Variants in CDH8 observed in about 807,000 individuals in gnomAD.
CDH8 encodes cadherin 8, also known as cadherin-8.
A neutral mutation model predicts 68.1 loss-of-function variants in CDH8; 17 were observed. That is an observed-to-expected ratio of 0.25 (90% CI 0.17 to 0.37). CDH8 has a LOEUF of 0.37. Among genes scored for constraint, CDH8 ranks in the 10% least tolerant of loss-of-function variants. CDH8 has a pLI of 1.00. For missense variants in CDH8, 763 were observed against 999.3 expected (o/e 0.76, Z 3.19); for synonymous variants, 372 against 365.1 (o/e 1.02, Z -0.21).
intron 2 of CDH8, among the ~76,000 whole-genome samples, 177 bp downstream of exon 2, chr16:62,020,975 T>G (rs1399809332): frequency 1.3e-5 from 2 of 152,186 alleles, no homozygotes; most frequent in South Asian, 2.1e-4. Flanking sequence ...TACAAGACCA[T>G]TTAAAACTGT....
At chr16:61,903,950 T>C (rs538736642) in intron 2 of CDH8, among the ~76,000 whole-genome samples, 1 of 120,742 alleles carries the variant, frequency 8.3e-6, no homozygotes, top group East Asian at 2.0e-4. Flanking sequence ...TATACAGCAC[T>C]TTTTAAAAAA....
chr16:61,981,745 G>A (rs865835969), intron 2 of CDH8, among the ~76,000 whole-genome samples: 13 of 152,124 alleles, frequency 8.5e-5, no homozygotes, highest in South Asian at 2.1e-4. Flanking sequence ...GCAGATGTGG[G>A]AGCATGGAGA....
At chr16:62,015,456 T>C (rs1379280413) in intron 2 of CDH8, among the ~76,000 whole-genome samples, 1 of 152,102 alleles carries the variant, frequency 6.6e-6, no homozygotes, top group Admixed American at 6.6e-5. Flanking sequence ...CTTAAATATA[T>C]AATATCTTAA....
chr16:61,776,415 T>TAA (rs11409828), intron 8 of CDH8, among the ~76,000 whole-genome samples: 3 of 151,578 alleles, frequency 2.0e-5, no homozygotes, highest in East Asian at 3.9e-4. Context: ...TCTATTGTTA[T>TAA]AAAAAAAAAT....
chr16:61,722,027 C>G (rs1187478617), intron 9 of CDH8, among the ~76,000 whole-genome samples: 2 of 150,900 alleles, frequency 1.3e-5, no homozygotes, highest in East Asian at 3.9e-4. Context: ...CTACCATTAT[C>G]TTTTGCAGTT....
intron 4 of CDH8, among the ~76,000 whole-genome samples, chr16:61,850,162 C>T (rs147695636): frequency 7.9e-5 from 12 of 151,970 alleles, no homozygotes; most frequent in African/African-American, 2.2e-4. Context: ...AGCATCTGCC[C>T]GGCTTTTGGT....
At chr16:61,693,265 C>T (rs749558024) in intron 10 of CDH8, 4 of 152,042 alleles carry the variant, frequency 2.6e-5, no homozygotes. Flanking sequence ...GGGAGAAGAG[C>T]AAACTATGAC....
At chr16:61,894,028 T>C (rs1273177914) in intron 3 of CDH8, among the ~76,000 whole-genome samples, 1 of 152,108 alleles carries the variant, frequency 6.6e-6, no homozygotes, top group African/African-American at 2.4e-5. Flanking sequence ...GATACTTACA[T>C]AGTCTCTAAG....
In CDH8 at chr16:61,820,945, C is replaced by T; in HGVS notation, c.1004G>A (p.Gly335Asp). 6.2e-7 allele frequency: 1 copy of T among 1,611,408 alleles called. No individual in the cohort carries two copies. Among genetic ancestry groups the T allele is most frequent in the Non-Finnish European group, 8.5e-7 (1 of 1,178,366 alleles). The change falls in exon 6 of 12, where the codon GGC becomes GAC. Residue 335 changes from glycine (G) to aspartate (D), a missense_variant. Physicochemically the swap from Gly to Asp is moderately conservative, Grantham distance 94. Transcript: ENST00000577390. ...EITSDAQAQD[G>D]IIRLRKPLDF... Reference sequence around the variant, plus strand: ...GCTTACTTTTCTTAGCCTTATAATGCCATCCTGGGCCTGGGCATCAGAAGT... The same window carrying T: ...GCTTACTTTTCTTAGCCTTATAATGTCATCCTGGGCCTGGGCATCAGAAGT...
chr16:62,015,003 T>A (rs1486520220), intron 2 of CDH8, among the ~76,000 whole-genome samples: 1 of 151,560 alleles, frequency 6.6e-6, no homozygotes, highest in Admixed American at 6.6e-5. Context: ...ATGTTACATA[T>A]ACCCCCCCAC....
At chr16:62,014,530 A>G (rs543405747) in intron 2 of CDH8, among the ~76,000 whole-genome samples, 8 of 152,186 alleles carry the variant, frequency 5.3e-5, no homozygotes, top group Non-Finnish European at 1.2e-4. Flanking sequence ...AACGCTCTTA[A>G]CATGCAAACA....
intron 10 of CDH8, among the ~76,000 whole-genome samples, chr16:61,664,560 T>C (rs1011765209): frequency 6.6e-6 from 1 of 152,026 alleles, no homozygotes; most frequent in African/African-American, 2.4e-5. Context: ...TTTCAGGCTA[T>C]TGGAAAGCAT....
intron 3 of CDH8, among the ~76,000 whole-genome samples, chr16:61,867,892 T>G (rs1172646362): frequency 6.6e-6 from 1 of 152,154 alleles, no homozygotes; most frequent in Non-Finnish European, 1.5e-5. Flanking sequence ...GATTTTCCCC[T>G]TTTAGACTAA....
At chr16:61,678,105 C>A (rs1275582715) in intron 10 of CDH8, among the ~76,000 whole-genome samples, 1 of 152,002 alleles carries the variant, frequency 6.6e-6, no homozygotes, top group African/African-American at 2.4e-5. Flanking sequence ...TTAAAATCTA[C>A]CTATAACCTG....
intron 1 of CDH8, among the ~76,000 whole-genome samples, chr16:62,024,325 C>T (rs143366787): frequency 3.2e-4 from 49 of 152,148 alleles, no homozygotes; most frequent in Non-Finnish European, 6.0e-4. Flanking sequence ...GTTTTGAGGA[C>T]TAAAGGAGAT....
In CDH8 at chr16:61,650,706, T is replaced by TGTGTGTGAGAGAGAGAGA. The variant is rs745949180; in HGVS notation, c.*2901_*2902insTCTCTCTCTCTCACACAC. ...GTGTGTGTGTGTGTGTGTGTGTGTG[T>TGTGTGTGAGAGAGAGAGA]GAGAGAGAGAGAGAGAGAGAGAGAG... is the stretch of plus-strand genomic sequence containing the variant. On this transcript the variant is annotated 3_prime_UTR_variant, in exon 12 of 12. Transcript: ENST00000577390. The TGTGTGTGAGAGAGAGAGA allele has an allele frequency of 6.0e-4, 70 of 116,674 alleles. No homozygotes were observed. Among genetic ancestry groups the TGTGTGTGAGAGAGAGAGA allele is most frequent in the African/African-American group, 2.1e-3 (63 of 29,860 alleles). 7.2% of individuals were successfully genotyped at this position (116,674 alleles called of 1,614,324 possible).
intron 10 of CDH8, among the ~76,000 whole-genome samples, chr16:61,707,891 G>T (rs1056218658): frequency 6.6e-6 from 1 of 152,136 alleles, no homozygotes; most frequent in Non-Finnish European, 1.5e-5. Flanking sequence ...TTTTATGCTT[G>T]TAAGTAAAAG....
intron 10 of CDH8, among the ~76,000 whole-genome samples, chr16:61,698,119 A>G (rs1964361503): frequency 6.6e-6 from 1 of 152,224 alleles, no homozygotes; most frequent in African/African-American, 2.4e-5. Flanking sequence ...GTGAAGCTAC[A>G]TGAAATGCAT....
chr16:61,930,876 G>T (rs1159670635), intron 2 of CDH8, among the ~76,000 whole-genome samples: 2 of 152,140 alleles, frequency 1.3e-5, no homozygotes, highest in Non-Finnish European at 2.9e-5. Context: ...CACCCCCAGC[G>T]AAATTCCTCG....
Sources: allele counts gnomAD v4.1 joint callset (sites outside exome capture counted in the v4.1 genomes callset), GRCh38; gene constraint gnomAD v4.1.1; transcripts MANE v1.5; gene names NCBI Gene and HGNC (gene_info 2026-07-23, HGNC 2026-07-21).